The following IGF2R variants were observed in gnomAD, a reference collection of about 807,000 sequenced individuals.
IGF2R encodes insulin like growth factor 2 receptor.
IGF2R carries 91 observed loss-of-function variants against 270.6 expected under a neutral mutation model. The observed-to-expected ratio is 0.34, with a 90% CI of 0.28 to 0.40. IGF2R has a LOEUF of 0.40. Ranked by LOEUF, IGF2R falls within the 10% of genes least tolerant of loss-of-function variation. IGF2R has a pLI of 1.00. For synonymous variants in IGF2R, 1,316 were observed against 1,258.9 expected, an observed-to-expected ratio of 1.05 and a Z score of -0.96; for missense variants, 2,805 against 3,188.3, an observed-to-expected ratio of 0.88 and a Z score of 2.90.
chr6:159,979,700 C>T (rs1783749693), intron 1 of IGF2R, among the ~76,000 whole-genome samples: 1 of 152,116 alleles, frequency 6.6e-6, no homozygotes, highest in South Asian at 2.1e-4. Flanking sequence ...ATGTCAGACC[C>T]AGCGGGAAGC....
At chr6:159,971,866 A>G (rs559762410) in intron 1 of IGF2R, among the ~76,000 whole-genome samples, 1 of 152,192 alleles carries the variant, frequency 6.6e-6, no homozygotes, top group East Asian at 1.9e-4. Context: ...TATGTTGCCC[A>G]GGCTGGCCTC....
At chr6:160,034,329 G>C in intron 9 of IGF2R, 90 bp from the exon 10 acceptor site, 2 of 779,874 alleles carry the variant, frequency 2.6e-6, no homozygotes, top group Non-Finnish European at 4.5e-6. Flanking sequence ...TTGATGCTAC[G>C]CAAAAGGCTT....
At chr6:160,068,877 C>T (rs1778650669) in intron 30 of IGF2R, among the ~76,000 whole-genome samples, 2 of 152,106 alleles carry the variant, frequency 1.3e-5, no homozygotes, top group African/African-American at 2.4e-5. Context: ...AACAGCAGGA[C>T]GAAGAATGAT....
At chr6:160,042,811 C>T (rs953209279) in intron 11 of IGF2R, among the ~76,000 whole-genome samples, 9 of 152,214 alleles carry the variant, frequency 5.9e-5, no homozygotes, top group Non-Finnish European at 1.2e-4. Flanking sequence ...TCCCAAGACA[C>T]AGGCTGGCTT....
chr6:160,008,922 A>G (rs1302729921), intron 2 of IGF2R, 88 bp from the exon 3 acceptor site: 3 of 1,333,898 alleles, frequency 2.2e-6, no homozygotes, highest in East Asian at 2.3e-5. Context: ...ATACATTATA[A>G]TGCTACTTTT....
intron 2 of IGF2R, among the ~76,000 whole-genome samples, chr6:160,000,779 A>C (rs1784117374): frequency 8.5e-6 from 1 of 117,028 alleles, no homozygotes; most frequent in South Asian, 2.9e-4. Context: ...TCTGTTGCCC[A>C]GGCCGGAGTG....
chr6:160,049,143 G>A (rs1434567172), intron 18 of IGF2R, among the ~76,000 whole-genome samples: 2 of 152,166 alleles, frequency 1.3e-5, no homozygotes, highest in African/African-American at 2.4e-5. Context: ...CAGCTTGGAG[G>A]TTTTTGAAAG....
chr6:160,043,640 C>T (rs923760840), intron 12 of IGF2R, among the ~76,000 whole-genome samples: 14 of 152,328 alleles, frequency 9.2e-5, no homozygotes, highest in South Asian at 2.1e-4. Flanking sequence ...TGCCTAGAAT[C>T]GTTCAAAAGT....
intron 1 of IGF2R, among the ~76,000 whole-genome samples, chr6:159,976,412 T>C (rs1261124937): frequency 6.6e-6 from 1 of 152,136 alleles, no homozygotes; most frequent in Non-Finnish European, 1.5e-5. Context: ...TAAAGACTTA[T>C]TTACCTTTTT....
chr6:160,099,209 T>G (rs934561529), intron 45 of IGF2R, among the ~76,000 whole-genome samples: 1 of 152,238 alleles, frequency 6.6e-6, no homozygotes, highest in African/African-American at 2.4e-5. Flanking sequence ...TTTGTTGTAT[T>G]AGAAAATAAT....
In IGF2R at chr6:160,102,388, G is replaced by T. The variant is rs8191946; in HGVS notation, c.6843-131G>T. The stretch of plus-strand genomic sequence containing the variant: ...GTGGGACTTGTGGCCTTGTTTTCTG[G>T]GCAGGAGTAAGAATCACATGGTGTT... On this transcript the variant is annotated intron_variant, in intron 45 of 47. Transcript: ENST00000356956. This position sits in a 1 kb window ranked among gnomAD's most constrained non-coding sequence, Gnocchi z 4.5. 6.6e-3 allele frequency: 6,702 copies of T among 1,009,620 alleles called. 317 individuals carry two copies. The South Asian group carries it at 0.081, about 12-fold the overall frequency. 62.5% of individuals were successfully genotyped at this position (1,009,620 alleles called of 1,614,324 possible).
At position 160,111,174 on chromosome 6, in the gene IGF2R, C is replaced by T. The variant is rs1779731556; in HGVS notation, c.*6090C>T. 2 of 151,952 alleles carry T rather than the reference C, an allele frequency of 1.3e-5. No homozygotes were observed. The allele number at this position is 151,952 out of a possible 1,614,324, so 9.4% of individuals were successfully genotyped here. ...TATCTCAAAACATCATGTTGTACAA[C>T]ATAAGTATACAATTGACCCTTGAAC... On this transcript the variant is annotated 3_prime_UTR_variant, in exon 48 of 48. Transcript: ENST00000356956.
chr6:160,069,413 G>T (rs527941120), intron 30 of IGF2R, among the ~76,000 whole-genome samples: 1 of 152,302 alleles, frequency 6.6e-6, no homozygotes, highest in South Asian at 2.1e-4. Flanking sequence ...TTCGACAGTG[G>T]CTGTACCCCT....
At chr6:160,088,431 A>G (rs544252332) in intron 42 of IGF2R, among the ~76,000 whole-genome samples, 53 of 152,370 alleles carry the variant, frequency 3.5e-4, no homozygotes, top group Admixed American at 2.9e-3. Flanking sequence ...TTTGAATGTC[A>G]TAGTAGAAAC....
intron 39 of IGF2R, among the ~76,000 whole-genome samples, chr6:160,082,589 C>CT (rs1779008406): frequency 6.6e-6 from 1 of 151,984 alleles, no homozygotes. Context: ...GGATTACAGG[C>CT]GTGAGCCACC....
In IGF2R at chr6:160,029,682, A is replaced by T. The variant is rs1421246737; in HGVS notation, c.882+27A>T. 3.9e-6 allele frequency: 6 copies of T among 1,520,090 alleles called. No individual in the cohort carries two copies. In the African/African-American group the frequency reaches 6.8e-5, roughly 17 times the overall value. 94.2% of individuals were successfully genotyped at this position (1,520,090 alleles called of 1,614,324 possible). ...TAAGTGACTCGTCTCCTGATCACTA[A>T]TGTGGCGCACAGTAGCCTGGGTTGC... On this transcript the variant is annotated intron_variant, in intron 7 of 47. Transcript: ENST00000356956.
chr6:160,002,723 TTAC>T (rs1158504643), intron 2 of IGF2R, among the ~76,000 whole-genome samples: 1 of 152,186 alleles, frequency 6.6e-6, no homozygotes, highest in African/African-American at 2.4e-5. Context: ...TCTTATATAT[TTAC>T]TAGTTATGCT....
At position 159,969,259 on chromosome 6, in the gene IGF2R, G is replaced by A. The variant is rs1439740339; in HGVS notation, c.13G>A (p.Ala5Thr). MGAA[A>T]GRSPHLGPAP... ...CGGGCCCGGCGCGATGGGGGCCGCC[G>A]CCGGCCGGAGCCCCCACCTGGGGCC... Residue 5 changes from alanine (A) to threonine (T), a missense_variant, in exon 1 of 48, where the codon GCC becomes ACC. By Grantham distance (58) the Ala-to-Thr change is moderately conservative. Transcript: ENST00000356956. The A allele has an allele frequency of 4.6e-6, 5 of 1,075,878 alleles. No individual in the cohort carries two copies. Among genetic ancestry groups the A allele is most frequent in the African/African-American group, 1.7e-5 (1 of 58,680 alleles). The allele number at this position is 1,075,878 out of a possible 1,614,324, so 66.6% of individuals were successfully genotyped here. A position where few individuals can be genotyped will look rare whatever the true frequency, so the allele number is the denominator to read the frequency against.
rs1274257871 is a variant in IGF2R, at chr6:160,033,008, T to G, written c.1112T>G (p.Ile371Arg). Residue 371 changes from isoleucine to arginine, a missense_variant, in exon 9 of 48, where the codon ATA becomes AGA. Coordinates refer to ENST00000356956, the MANE Select transcript of IGF2R (RefSeq NM_000876.4). ...TTGAATGTCTGTGGAGAAACTGAAA[T>G]ACAGTTCTGTAATAAAAAACAAGCT... ...FYLNVCGETEIQFCNKKQAAV... is the reference protein window; with the variant it reads ...FYLNVCGETERQFCNKKQAAV... The G allele has an allele frequency of 6.2e-7, 1 of 1,606,136 alleles. No homozygotes were observed. Among genetic ancestry groups the G allele is most frequent in the African/African-American group, 1.3e-5 (1 of 74,948 alleles).
Sources: gnomAD v4.1 joint callset for allele counts (sites outside exome capture counted in the v4.1 genomes callset) on GRCh38, gnomAD v4.1.1 for gene constraint, Gnocchi (gnomAD v3.1) non-coding constraint, MANE v1.5 for transcripts, NCBI Gene and HGNC (gene_info 2026-07-23, HGNC 2026-07-21) for gene names.